Variants in GPC4 observed in about 807,000 individuals in gnomAD.
GPC4 encodes glypican-4.
In GPC4, 10 loss-of-function variants were observed where a neutral mutation model predicts 35.0. That is an observed-to-expected ratio of 0.29 (90% CI 0.18 to 0.48). The LOEUF is 0.48. Among genes scored for constraint, GPC4 ranks in the 20% least tolerant of loss-of-function variants. The pLI is 0.99. For synonymous variants in GPC4, 167 were observed against 170.2 expected, an observed-to-expected ratio of 0.98 and a Z score of 0.15; for missense variants, 322 against 451.3, an observed-to-expected ratio of 0.71 and a Z score of 2.60.
At chrX:133,412,533 T>G (rs970576061) in intron 1 of GPC4, among the ~76,000 whole-genome samples, 4 of 111,547 alleles carry the variant, frequency 3.6e-5, no homozygotes, top group Non-Finnish European at 7.5e-5. Context: ...GAGAATGCAG[T>G]CCAGTAGGTC....
chrX:133,315,380 A>G lies in GPC4; in HGVS notation c.712-3957T>C, dbSNP rs760145581. Reference sequence around the variant, plus strand: ...GTGGTGGCACTTACTGTCACATGGTAATATACCAGGCACTGCTGGGGGCTC... The same window carrying G: ...GTGGTGGCACTTACTGTCACATGGTGATATACCAGGCACTGCTGGGGGCTC... On this transcript the variant is annotated intron_variant, in intron 3 of 8. Coordinates refer to ENST00000370828, the MANE Select transcript of GPC4 (RefSeq NM_001448.3). Among the ~76,000 whole-genome samples, 10 of 110,409 alleles carry G rather than the reference A, an allele frequency of 9.1e-5. No individual in the cohort carries two copies. The East Asian group carries it at 1.4e-3, about 16-fold the overall frequency.
At chrX:133,327,842 T>C (rs1454409615) in intron 2 of GPC4, among the ~76,000 whole-genome samples, 1 of 111,502 alleles carries the variant, frequency 9.0e-6, no homozygotes, top group Non-Finnish European at 1.9e-5. Context: ...ACCATTTGGG[T>C]GAGCATATGG....
intron 1 of GPC4, among the ~76,000 whole-genome samples, chrX:133,406,021 A>C (rs1406117482): frequency 8.9e-6 from 1 of 112,704 alleles, no homozygotes; most frequent in Non-Finnish European, 1.9e-5. Flanking sequence ...CTAGAAGCCT[A>C]GGGATTTACT....
intron 1 of GPC4, among the ~76,000 whole-genome samples, chrX:133,344,257 C>T (rs2068482107): frequency 1.8e-5 from 1 of 54,606 alleles, no homozygotes; most frequent in East Asian, 6.9e-4. Flanking sequence ...TGGAGTTTCG[C>T]TCCTGTTGCC....
chrX:133,363,116 G>A (rs1282960224), intron 1 of GPC4, among the ~76,000 whole-genome samples: 1 of 112,228 alleles, frequency 8.9e-6, no homozygotes, highest in Non-Finnish European at 1.9e-5. Context: ...GCACATCCTC[G>A]CCCTGAGGAA....
In GPC4 at chrX:133,312,878, T is replaced by TG. The variant is rs1408982506; in HGVS notation, c.712-1456dup. On this transcript the variant is annotated intron_variant, in intron 3 of 8. Transcript: ENST00000370828. ...TCTAGTTTTATAAAGTGAAATTATT[T>TG]GGGGTGTAGAAGAGCTGATTCCATC... Among the ~76,000 whole-genome samples, 2 of 111,231 alleles carry TG rather than the reference T, an allele frequency of 1.8e-5. 1 individual carries two copies. The highest frequency in any genetic ancestry group is 6.5e-5 in the African/African-American group (2 of 30,556).
chrX:133,394,276 A>G (rs898703048), intron 1 of GPC4, among the ~76,000 whole-genome samples: 1 of 110,208 alleles, frequency 9.1e-6, no homozygotes, highest in African/African-American at 3.3e-5. Context: ...TCTCAAAAAA[A>G]AATATATATA....
chrX:133,362,014 G>A (rs2068570979), intron 1 of GPC4, among the ~76,000 whole-genome samples: 1 of 110,590 alleles, frequency 9.0e-6, no homozygotes, highest in East Asian at 2.8e-4. Context: ...AAGAGTTCAA[G>A]ACCAGCCTGG....
intron 1 of GPC4, among the ~76,000 whole-genome samples, chrX:133,395,441 G>A (rs747259472): frequency 6.4e-5 from 7 of 109,759 alleles, no homozygotes; most frequent in African/African-American, 9.9e-5. Context: ...TGACCAACAC[G>A]GTGAAACCCT....
At chrX:133,304,963 T>C in intron 6 of GPC4, 102 bp from the exon 7 acceptor site, 1 of 782,840 alleles carries the variant, frequency 1.3e-6, no homozygotes, top group Non-Finnish European at 1.9e-6. Flanking sequence ...TCCAGAGTGA[T>C]ATGCAATTCA....
intron 1 of GPC4, among the ~76,000 whole-genome samples, chrX:133,396,694 T>C (rs1011981347): frequency 2.7e-5 from 3 of 112,116 alleles, no homozygotes; most frequent in Admixed American, 9.5e-5. Flanking sequence ...ATGTCTTCTA[T>C]AAATTTGACT....
At chrX:133,335,758 A>T (rs2068440179) in intron 2 of GPC4, among the ~76,000 whole-genome samples, 1 of 112,468 alleles carries the variant, frequency 8.9e-6, no homozygotes, top group Admixed American at 9.4e-5. Context: ...ATTTTTGTTG[A>T]AAAGGTTTTT....
chrX:133,319,443 CAAAA>C (rs369290840), intron 3 of GPC4, among the ~76,000 whole-genome samples: 19 of 16,897 alleles, frequency 1.1e-3, no homozygotes, highest in African/African-American at 2.6e-3. Flanking sequence ...GACCCTATGT[CAAAA>C]AAAAAAAAAA....
intron 4 of GPC4, among the ~76,000 whole-genome samples, chrX:133,309,319 T>C (rs927183426): frequency 8.9e-6 from 1 of 112,247 alleles, no homozygotes; most frequent in Non-Finnish European, 1.9e-5. Context: ...AGATAACAAA[T>C]GTAATTTTAA....
At chrX:133,305,231 T>C (rs183540843) in intron 6 of GPC4, among the ~76,000 whole-genome samples, 62 of 112,106 alleles carry the variant, frequency 5.5e-4, no homozygotes, top group Admixed American at 1.2e-3. Flanking sequence ...TAGCTGCTAT[T>C]GCTCTTTCTC....
At chrX:133,338,921 C>T (rs1436776569) in intron 2 of GPC4, among the ~76,000 whole-genome samples, 5 of 110,538 alleles carry the variant, frequency 4.5e-5, no homozygotes, top group African/African-American at 1.6e-4. Context: ...CTGTGTTCAC[C>T]CAAGAAAATA....
At chrX:133,354,568 A>ATTTATTTTTTT (rs781240039) in intron 1 of GPC4, among the ~76,000 whole-genome samples, 2 of 95,200 alleles carry the variant, frequency 2.1e-5, no homozygotes, top group Admixed American at 1.1e-4. Context: ...TTATTTATTT[A>ATTTATTTTTTT]TTTTTTTTTT....
chrX:133,358,120 A>G (rs954989057), intron 1 of GPC4, among the ~76,000 whole-genome samples: 13 of 112,342 alleles, frequency 1.2e-4, no homozygotes, highest in African/African-American at 4.2e-4. Flanking sequence ...GAGCTACAGA[A>G]TCTTTTCTTT....
At chrX:133,350,711 A>T (rs1272294580) in intron 1 of GPC4, among the ~76,000 whole-genome samples, 1 of 112,272 alleles carries the variant, frequency 8.9e-6, no homozygotes, top group Non-Finnish European at 1.9e-5. Context: ...ATTCTTGCTA[A>T]AAGTCATAGT....
Sources: gnomAD v4.1 joint callset for allele counts (sites outside exome capture counted in the v4.1 genomes callset) on GRCh38, gnomAD v4.1.1 for gene constraint, MANE v1.5 for transcripts, NCBI Gene and HGNC (gene_info 2026-07-23, HGNC 2026-07-21) for gene names.